ATP6V0D2: variants seen among roughly 807,000 people sequenced by gnomAD.
The protein encoded by ATP6V0D2 is V-type proton ATPase subunit d 2.
A neutral mutation model predicts 40.0 loss-of-function variants in ATP6V0D2; 40 were observed. The observed-to-expected ratio is 1.00, with a 90% CI of 0.78 to 1.30. The LOEUF (loss-of-function observed/expected upper bound fraction) is 1.30, where lower values mean the gene tolerates loss of function less well. Ranked by LOEUF, ATP6V0D2 falls within the 50% of genes most tolerant of loss-of-function variation. The pLI is 0.00. For synonymous variants in ATP6V0D2, 179 were observed against 156.3 expected (o/e 1.15, Z -1.08); for missense variants, 470 against 423.1 (o/e 1.11, Z -0.97).
rs1442405910 is a variant in ATP6V0D2 at position 86,108,784 on chromosome 8, C to G, written c.131-4925C>G. The stretch of plus-strand genomic sequence containing the variant: ...TGCCAACAAATTAGTAGACAATAAC[C>G]ATGAAGTCTAACTTCCCTATAGCCA... On this transcript the variant is annotated intron_variant, in intron 1 of 7. Transcript: ENST00000285393. 5.9e-5 allele frequency among the ~76,000 whole-genome samples: 9 copies of G among 152,154 alleles called. No homozygotes were observed. The East Asian group carries it at 1.7e-3, about 29-fold the overall frequency.
intron 1 of ATP6V0D2, among the ~76,000 whole-genome samples, chr8:86,107,421 T>C (rs1369467130): frequency 6.6e-6 from 1 of 152,204 alleles, no homozygotes; most frequent in Non-Finnish European, 1.5e-5. Flanking sequence ...ATCCTGACGC[T>C]AACACTGAAT....
rs1818971035 is a variant in ATP6V0D2 at position 86,141,453 on chromosome 8, C to A, written c.485C>A (p.Pro162Gln). Residue 162 changes from proline (P) to glutamine (Q), a missense_variant, in exon 4 of 8, where the codon CCA becomes CAA. Transcript: ENST00000285393. Reference sequence around the variant, plus strand: ...GTATGGCAATTTCTGCTTTCAGCTCCATTCTTCCAAGACTGCATGTCTGAA... The same window carrying A: ...GTATGGCAATTTCTGCTTTCAGCTCAATTCTTCCAAGACTGCATGTCTGAA... Reference protein sequence around the residue: ...NAILIETPLAPFFQDCMSENA... With the variant: ...NAILIETPLAQFFQDCMSENA... 9.3e-6 allele frequency: 15 copies of A among 1,609,020 alleles called. No homozygotes were observed. The highest frequency in any genetic ancestry group is 1.3e-5 in the Non-Finnish European group (15 of 1,177,584).
At chr8:86,111,158 TA>T (rs1818524150) in intron 1 of ATP6V0D2, among the ~76,000 whole-genome samples, 1 of 151,594 alleles carries the variant, frequency 6.6e-6, no homozygotes, top group Non-Finnish European at 1.5e-5. Flanking sequence ...TGTCCCCCAC[TA>T]AGTCGTTTTT....
At chr8:86,099,577 T>G (rs1395095677) in intron 1 of ATP6V0D2, among the ~76,000 whole-genome samples, 1 of 152,186 alleles carries the variant, frequency 6.6e-6, no homozygotes, top group East Asian at 1.9e-4. Context: ...CACCACAACC[T>G]CCGCCTCCCG....
intron 1 of ATP6V0D2, among the ~76,000 whole-genome samples, chr8:86,104,106 G>A (rs942184949): frequency 6.6e-6 from 1 of 152,284 alleles, no homozygotes; most frequent in East Asian, 1.9e-4. Flanking sequence ...GGGATTACAG[G>A]CATGACCCAC....
intron 7 of ATP6V0D2, 109 bp downstream of exon 7, chr8:86,151,649 G>T: frequency 1.3e-6 from 1 of 778,298 alleles, no homozygotes; most frequent in Non-Finnish European, 2.1e-6. Context: ...AATTGATTAG[G>T]CACATTCATA....
At chr8:86,122,192 C>A (rs1818680068) in intron 2 of ATP6V0D2, among the ~76,000 whole-genome samples, 1 of 152,162 alleles carries the variant, frequency 6.6e-6, no homozygotes, top group Non-Finnish European at 1.5e-5. Context: ...AATAATCTCT[C>A]AAGCATTCAA....
chr8:86,116,282 C>G (rs1378287285), intron 2 of ATP6V0D2, among the ~76,000 whole-genome samples: 1 of 152,164 alleles, frequency 6.6e-6, no homozygotes, highest in Non-Finnish European at 1.5e-5. Context: ...CTCTCCCACC[C>G]ACACATTTCA....
intron 5 of ATP6V0D2, among the ~76,000 whole-genome samples, chr8:86,143,839 T>C (rs993519651): frequency 6.6e-6 from 1 of 152,108 alleles, no homozygotes; most frequent in Non-Finnish European, 1.5e-5. Flanking sequence ...GAGCAATGGA[T>C]GGACTATAGA....
At chr8:86,110,106 T>C (rs1050861250) in intron 1 of ATP6V0D2, among the ~76,000 whole-genome samples, 1 of 152,220 alleles carries the variant, frequency 6.6e-6, no homozygotes, top group African/African-American at 2.4e-5. Context: ...TATATTTTAT[T>C]TTTTGAGACA....
Position 86,150,298 on chromosome 8 carries a change from G to A in ATP6V0D2, c.816+10G>A. 1 of 1,611,104 alleles carries A rather than the reference G, an allele frequency of 6.2e-7. No individual in the cohort carries two copies. The highest frequency in any genetic ancestry group is 8.5e-7 in the Non-Finnish European group (1 of 1,178,026). On this transcript the variant is annotated intron_variant, in intron 6 of 7. Transcript: ENST00000285393. ...AGCGGATCATTACGGAGTATGTGAT[G>A]ACACTGGCTTCCCTAAGTCCTTTGT...
intron 1 of ATP6V0D2, among the ~76,000 whole-genome samples, chr8:86,112,202 A>T (rs767370699): frequency 3.3e-5 from 5 of 152,234 alleles, no homozygotes; most frequent in Non-Finnish European, 7.3e-5. Context: ...TTAAGACTAT[A>T]TAATATCCTA....
intron 1 of ATP6V0D2, among the ~76,000 whole-genome samples, chr8:86,108,480 T>A (rs901308449): frequency 6.6e-6 from 1 of 152,236 alleles, no homozygotes; most frequent in Non-Finnish European, 1.5e-5. Context: ...AAGCGTAGAC[T>A]ATATCCATTT....
chr8:86,149,076 C>CAAAAAAAAAAAAA (rs1563567503), intron 5 of ATP6V0D2, among the ~76,000 whole-genome samples: 1 of 114,924 alleles, frequency 8.7e-6, no homozygotes, highest in Non-Finnish European at 1.7e-5. Flanking sequence ...AAAAAAAAAA[C>CAAAAAAAAAAAAA]CAATGAACAA....
intron 1 of ATP6V0D2, among the ~76,000 whole-genome samples, chr8:86,106,380 G>T (rs1818470791): frequency 6.6e-6 from 1 of 152,028 alleles, no homozygotes; most frequent in African/African-American, 2.4e-5. Context: ...CAATCCTCCT[G>T]CTTCAGCCTC....
At chr8:86,134,987 A>G (rs1468180106) in intron 2 of ATP6V0D2, among the ~76,000 whole-genome samples, 1 of 148,850 alleles carries the variant, frequency 6.7e-6, no homozygotes, top group Non-Finnish European at 1.5e-5. Flanking sequence ...TGGCAAAATT[A>G]TAGAGTGGGA....
At chr8:86,140,536 A>T (rs1191007639) in intron 3 of ATP6V0D2, among the ~76,000 whole-genome samples, 1 of 152,172 alleles carries the variant, frequency 6.6e-6, no homozygotes, top group Non-Finnish European at 1.5e-5. Context: ...TTTTAAAAAT[A>T]AAACACACTT....
chr8:86,132,801 T>A lies in ATP6V0D2; in HGVS notation c.303-6656T>A, dbSNP rs557565209. Among the ~76,000 whole-genome samples the A allele has an allele frequency of 2.6e-5, 4 of 152,318 alleles. No individual in the cohort carries two copies. In the South Asian group the frequency reaches 8.3e-4, roughly 32 times the overall value. ...TGCAATAAACATGTGAGTGCAGGTA[T>A]CCCTTTGACATACTGATTTATTTTC... On this transcript the variant is annotated intron_variant, in intron 2 of 7. Coordinates refer to ENST00000285393, the MANE Select transcript of ATP6V0D2 (RefSeq NM_152565.1).
intron 2 of ATP6V0D2, among the ~76,000 whole-genome samples, chr8:86,122,160 T>C (rs908262384): frequency 6.6e-6 from 1 of 152,184 alleles, no homozygotes; most frequent in Non-Finnish European, 1.5e-5. Flanking sequence ...TCATCTCTTT[T>C]GAAACCAGGC....
Sources: gnomAD v4.1 joint callset for allele counts (sites outside exome capture counted in the v4.1 genomes callset) on GRCh38, gnomAD v4.1.1 for gene constraint, MANE v1.5 for transcripts, NCBI Gene and HGNC (gene_info 2026-07-23, HGNC 2026-07-21) for gene names.